The following ADGRL2 variants were observed in gnomAD, a reference collection of about 807,000 sequenced individuals.
ADGRL2 encodes adhesion G protein-coupled receptor L2.
Under a neutral mutation model 157.4 loss-of-function variants are expected in ADGRL2, and 44 were observed. That is an observed-to-expected ratio of 0.28 (90% confidence interval 0.22 to 0.36). ADGRL2 has a LOEUF of 0.36. Ranked by LOEUF, ADGRL2 falls within the 10% of genes least tolerant of loss-of-function variation. The pLI is 1.00. For missense variants in ADGRL2, 1,510 were observed against 1,768.9 expected (o/e 0.85, Z 2.63); for synonymous variants, 585 against 624.7 (o/e 0.94, Z 0.95).
chr1:81,680,666 T>A (rs2083093416), intron 3 of ADGRL2, among the ~76,000 whole-genome samples: 1 of 152,038 alleles, frequency 6.6e-6, no homozygotes, highest in Admixed American at 6.6e-5. Flanking sequence ...GAAATTGACT[T>A]TGCCGCTCGA....
intron 1 of ADGRL2, among the ~76,000 whole-genome samples, chr1:81,834,665 G>A (rs567988286): frequency 6.6e-6 from 1 of 152,040 alleles, no homozygotes; most frequent in African/African-American, 2.4e-5. Flanking sequence ...AAGCGATTGG[G>A]CACAGGTTGT....
At chr1:81,871,113 T>C (rs2151008376) in intron 2 of ADGRL2, among the ~76,000 whole-genome samples, 2 of 120,692 alleles carry the variant, frequency 1.7e-5, no homozygotes, top group Middle Eastern at 5.1e-3. Flanking sequence ...GGCCCTGTTG[T>C]GTGATGTTCC....
intron 3 of ADGRL2, among the ~76,000 whole-genome samples, chr1:81,923,660 T>G (rs1190899113): frequency 6.6e-6 from 1 of 152,176 alleles, no homozygotes; most frequent in African/African-American, 2.4e-5. Flanking sequence ...TTTTGAATTG[T>G]TCCTTTGATT....
intron 3 of ADGRL2, among the ~76,000 whole-genome samples, chr1:81,657,095 A>G (rs2082551501): frequency 6.6e-6 from 1 of 152,122 alleles, no homozygotes; most frequent in African/African-American, 2.4e-5. Flanking sequence ...TGAGCCAGTA[A>G]TAGAACAAGT....
chr1:81,769,573 G>A (rs1044521365), intron 2 of ADGRL2, among the ~76,000 whole-genome samples: 2 of 151,168 alleles, frequency 1.3e-5, no homozygotes, highest in Non-Finnish European at 2.9e-5. Context: ...ATATTATACT[G>A]CCTAAATTAT....
intron 1 of ADGRL2, among the ~76,000 whole-genome samples, chr1:81,319,455 T>A (rs1660351814): frequency 1.3e-5 from 2 of 152,020 alleles, no homozygotes; most frequent in Non-Finnish European, 2.9e-5. Flanking sequence ...GGCTGTGAAA[T>A]ATGCAGATTT....
intron 1 of ADGRL2, among the ~76,000 whole-genome samples, chr1:81,711,706 A>G (rs1419097473): frequency 2.6e-5 from 4 of 152,194 alleles, no homozygotes; most frequent in Non-Finnish European, 5.9e-5. Flanking sequence ...AGTTTTATAC[A>G]CCAGTGCTTT....
chr1:81,554,723 G>A (rs1450789329), intron 2 of ADGRL2, among the ~76,000 whole-genome samples: 1 of 151,976 alleles, frequency 6.6e-6, no homozygotes, highest in East Asian at 1.9e-4. Flanking sequence ...ACAGCCTTGA[G>A]GTCATATTAT....
At chr1:81,688,860 GTT>G (rs568118291) in intron 3 of ADGRL2, among the ~76,000 whole-genome samples, 2 of 152,294 alleles carry the variant, frequency 1.3e-5, no homozygotes, top group East Asian at 3.9e-4. Flanking sequence ...CCCATGGGGT[GTT>G]CCCTTGATGT....
At chr1:81,949,871 C>G (rs1651178888) in intron 6 of ADGRL2, among the ~76,000 whole-genome samples, 1 of 152,116 alleles carries the variant, frequency 6.6e-6, no homozygotes, top group Non-Finnish European at 1.5e-5. Flanking sequence ...TCCTGTTAAA[C>G]AGTATGTGAT....
chr1:81,370,425 C>T (rs747777122), intron 1 of ADGRL2, among the ~76,000 whole-genome samples: 1 of 152,008 alleles, frequency 6.6e-6, no homozygotes, highest in African/African-American at 2.4e-5. Flanking sequence ...TAGGGGAATG[C>T]TTTTGTCTGT....
intron 2 of ADGRL2, among the ~76,000 whole-genome samples, chr1:81,779,641 G>A (rs2086734902): frequency 6.6e-6 from 1 of 152,076 alleles, no homozygotes; most frequent in Non-Finnish European, 1.5e-5. Context: ...TAAATTCAGA[G>A]CCTGTCAGTA....
chr1:81,501,807 A>T, intron 2 of ADGRL2: 1 of 1,603,642 alleles, frequency 6.2e-7, no homozygotes, highest in Non-Finnish European at 8.5e-7. Context: ...CAGCAGCAGC[A>T]GCAACAGCAG....
At chr1:81,967,740 A>G (rs1407667570) in intron 13 of ADGRL2, among the ~76,000 whole-genome samples, 1 of 152,212 alleles carries the variant, frequency 6.6e-6, no homozygotes, top group Non-Finnish European at 1.5e-5. Context: ...GAAAGGAAAA[A>G]AGATTCTAAT....
intron 2 of ADGRL2, among the ~76,000 whole-genome samples, chr1:81,563,474 A>G (rs2080490567): frequency 6.6e-6 from 1 of 152,188 alleles, no homozygotes; most frequent in South Asian, 2.1e-4. Context: ...AGAAAACTGA[A>G]GTTCAAAGAA....
At chr1:81,969,098 G>A (rs571815790) in intron 14 of ADGRL2, 80 bp from the exon 15 acceptor site, 2 of 980,184 alleles carry the variant, frequency 2.0e-6, no homozygotes, top group East Asian at 2.4e-5. Flanking sequence ...TAAAAGATGA[G>A]CTGTACATGT....
chr1:81,913,354 A>T (rs1035500040), intron 3 of ADGRL2, among the ~76,000 whole-genome samples: 1 of 152,322 alleles, frequency 6.6e-6, no homozygotes, highest in East Asian at 1.9e-4. Context: ...GGTTCTTTAC[A>T]TTACAGTGGA....
chr1:81,990,160 A>G (rs778772901), intron 23 of ADGRL2: 1 of 985,212 alleles, frequency 1.0e-6, no homozygotes, highest in African/African-American at 1.7e-5. Context: ...ATTACTCTGT[A>G]TGCCATTTTC....
intron 3 of ADGRL2, among the ~76,000 whole-genome samples, chr1:81,913,028 A>C (rs2094769510): frequency 6.6e-6 from 1 of 152,186 alleles, no homozygotes; most frequent in Non-Finnish European, 1.5e-5. Context: ...TAGTTTAATT[A>C]ACTTAAGCTC....
Sources: gnomAD v4.1 joint callset for allele counts (sites outside exome capture counted in the v4.1 genomes callset) on GRCh38, gnomAD v4.1.1 for gene constraint, MANE v1.5 for transcripts, NCBI Gene and HGNC (gene_info 2026-07-23, HGNC 2026-07-21) for gene names.